Variants in NUP153 observed in about 807,000 individuals in gnomAD.
The protein encoded by NUP153 is nucleoporin 153.
NUP153 carries 27 observed loss-of-function variants against 134.6 expected under a neutral mutation model. The observed-to-expected ratio is 0.20, with a 90% CI of 0.15 to 0.28. The LOEUF (loss-of-function observed/expected upper bound fraction) is 0.28. NUP153 is among the 10% of genes least tolerant of loss of function. The pLI, the probability that NUP153 is intolerant of heterozygous loss-of-function variation, is 1.00. For missense variants in NUP153, 1,821 were observed against 1,731.3 expected (o/e 1.05, Z -0.92); for synonymous variants, 640 against 623.5 (o/e 1.03, Z -0.40).
intron 1 of NUP153, among the ~76,000 whole-genome samples, chr6:17,691,149 A>AG (rs779534014): frequency 3.3e-5 from 5 of 152,060 alleles, no homozygotes; most frequent in Non-Finnish European, 7.4e-5. Context: ...CTCCGTCTCA[A>AG]GAAAAAAAAA....
At chr6:17,701,263 C>T (rs1349799008) in intron 1 of NUP153, among the ~76,000 whole-genome samples, 1 of 150,608 alleles carries the variant, frequency 6.6e-6, no homozygotes, top group African/African-American at 2.4e-5. Flanking sequence ...GGTGCAGTGG[C>T]TCACGCTTAT....
At chr6:17,686,887 C>A (rs1327668784) in intron 2 of NUP153, among the ~76,000 whole-genome samples, 1 of 2,562 alleles carries the variant, frequency 3.9e-4, no homozygotes, top group African/African-American at 1.7e-3. Flanking sequence ...CAGCCGGGGG[C>A]GGGCGGCGGG....
chr6:17,641,528 C>T (rs918346474), intron 14 of NUP153, among the ~76,000 whole-genome samples: 11 of 150,720 alleles, frequency 7.3e-5, no homozygotes, highest in African/African-American at 2.7e-4. Context: ...AGCGAGACTC[C>T]GTCTCAAAAA....
chr6:17,662,177 C>A, intron 9 of NUP153, 107 bp from the exon 10 acceptor site: 3 of 1,007,474 alleles, frequency 3.0e-6, no homozygotes, highest in Non-Finnish European at 4.5e-6. Context: ...AATTTGATGG[C>A]TTTTTAGTTA....
chr6:17,633,148 GA>G (rs57742703), intron 16 of NUP153, among the ~76,000 whole-genome samples: 40 of 152,036 alleles, frequency 2.6e-4, no homozygotes, highest in African/African-American at 9.2e-4. Context: ...TGTGGTTTAA[GA>G]AAAAAAATCA....
intron 11 of NUP153, among the ~76,000 whole-genome samples, chr6:17,651,590 T>A (rs1170377877): frequency 6.6e-6 from 1 of 152,158 alleles, no homozygotes; most frequent in Non-Finnish European, 1.5e-5. Context: ...AGTATATGAA[T>A]GGAAAAAGAT....
At position 17,701,847 on chromosome 6, in the gene NUP153, A is replaced by AGGGGGGGGGGG. The variant is rs1554148736; in HGVS notation, c.111+4429_111+4430insCCCCCCCCCCC. Among the ~76,000 whole-genome samples, 2 of 78,042 alleles carry AGGGGGGGGGGG rather than the reference A, an allele frequency of 2.6e-5. 1 individual carries two copies. Among genetic ancestry groups the AGGGGGGGGGGG allele is most frequent in the Non-Finnish European group, 5.9e-5 (2 of 33,822 alleles). 51.2% of individuals were successfully genotyped at this position (78,042 alleles called of 152,430 possible). A position where few individuals can be genotyped will look rare whatever the true frequency, so the allele number is the denominator to read the frequency against. ...GACTCTGTCTCGGGGGGGGGGGGAA[A>AGGGGGGGGGGG]AAAGCTAAATGCAGGAACTGACTTG... On this transcript the variant is annotated intron_variant, in intron 1 of 21. Transcript: ENST00000262077.
chr6:17,663,378 C>T (rs150124998), intron 9 of NUP153, among the ~76,000 whole-genome samples: 5 of 151,924 alleles, frequency 3.3e-5, no homozygotes, highest in Admixed American at 2.0e-4. Context: ...ATCCTCCTAC[C>T]GCAACCTCCT....
At chr6:17,620,731 C>A (rs936326960) in intron 20 of NUP153, among the ~76,000 whole-genome samples, 1 of 152,114 alleles carries the variant, frequency 6.6e-6, no homozygotes, top group African/African-American at 2.4e-5. Context: ...GTTAATGTAT[C>A]TTGTGTTTGG....
rs1422120401 is a variant in NUP153 at position 17,640,518 on chromosome 6, T to C, written c.1721-454A>G. ...TATAATTGAAAATATCCTTCAGTTATAATATTGAAAACCTATATGGTAAAA... is the reference window on the plus strand; with the variant it reads ...TATAATTGAAAATATCCTTCAGTTACAATATTGAAAACCTATATGGTAAAA... On this transcript the variant is annotated intron_variant, in intron 14 of 21. Transcript: ENST00000262077. Among the ~76,000 whole-genome samples, 10 of 152,260 alleles carry C rather than the reference T, an allele frequency of 6.6e-5. No individual in the cohort carries two copies. The South Asian group carries it at 1.2e-3, about 19-fold the overall frequency.
Position 17,632,752 on chromosome 6 carries a change from C to T in NUP153, c.2557G>A (p.Gly853Arg), listed in dbSNP as rs1297627665. 3.1e-6 allele frequency: 5 copies of T among 1,613,124 alleles called. No individual in the cohort carries two copies. In the East Asian group the frequency reaches 6.7e-5, roughly 22 times the overall value. ...AGGCACAATTCACAGTCCCAGCTTC[C>T]CTCGGGTTTCTTGAACTTTTCCAAT... The part of the protein sequence containing the change: ...LGLEKFKKPE[G>R]SWDCELCLVQ... Residue 853 changes from glycine (G) to arginine (R), a missense_variant, in exon 17 of 22, where the codon GGA (glycine) becomes AGA (arginine). By Grantham distance (125) the Gly-to-Arg change is moderately radical (BLOSUM62 -2). Coordinates refer to ENST00000262077, the MANE Select transcript of NUP153 (RefSeq NM_005124.4).
rs1764927050 is a variant in NUP153 at position 17,625,973 on chromosome 6, A to G, written c.3736T>C (p.Ser1246Pro). ...AATAGCAAAGACTGAGAGGTGCTGG[A>G]TTCAGCAGTGTTACCAAAGGCAGAG... ...SSSAFGNTAE[S>P]STSQSLLFSQ... The change falls in exon 19 of 22, where the codon TCC becomes CCC. Residue 1246 changes from serine to proline, a missense_variant. Ser to Pro is a moderately conservative substitution (Grantham distance 74, BLOSUM62 -1). Transcript: ENST00000262077. This position sits in a 1 kb window ranked among gnomAD's most constrained non-coding sequence, Gnocchi z 4.7. 3 of 1,614,206 alleles carry G rather than the reference A, an allele frequency of 1.9e-6. No homozygotes were observed. Among genetic ancestry groups the G allele is most frequent in the African/African-American group, 1.3e-5 (1 of 75,044 alleles).
chr6:17,656,635 C>T (rs1170299067), intron 11 of NUP153, among the ~76,000 whole-genome samples: 4 of 152,050 alleles, frequency 2.6e-5, no homozygotes, highest in African/African-American at 7.3e-5. Flanking sequence ...ACTTAGGGGG[C>T]ACCAGGTTTT....
At chr6:17,696,717 T>A (rs1293513806) in intron 1 of NUP153, among the ~76,000 whole-genome samples, 1 of 151,866 alleles carries the variant, frequency 6.6e-6, no homozygotes, top group Non-Finnish European at 1.5e-5. Flanking sequence ...ATGGCGCCAC[T>A]GCACTCCAAC....
intron 11 of NUP153, among the ~76,000 whole-genome samples, chr6:17,655,744 C>T (rs1766775037): frequency 6.6e-6 from 1 of 152,088 alleles, no homozygotes; most frequent in Non-Finnish European, 1.5e-5. Context: ...TGTGAGCCAC[C>T]GTGACCAGCC....
intron 2 of NUP153, among the ~76,000 whole-genome samples, chr6:17,684,273 A>T (rs1160082609): frequency 6.6e-6 from 1 of 152,180 alleles, no homozygotes; most frequent in Non-Finnish European, 1.5e-5. Context: ...CTCTTAGCTA[A>T]ATCTTCTGGA....
Position 17,616,301 on chromosome 6 carries a change from C to G in NUP153, c.4344-120G>C, listed in dbSNP as rs548699314. 1.3e-5 allele frequency: 8 copies of G among 623,336 alleles called. No individual in the cohort carries two copies. In the South Asian group the frequency reaches 1.3e-4, roughly 10 times the overall value. 38.6% of individuals were successfully genotyped at this position (623,336 alleles called of 1,614,324 possible). ...GTCGGGTGGGGGGGGAGTAGACTCA[C>G]ATTGGTATATACATTTTCTGCTACA... On this transcript the variant is annotated intron_variant, in intron 21 of 21. Coordinates refer to ENST00000262077, the MANE Select transcript of NUP153 (RefSeq NM_005124.4).
At chr6:17,671,149 G>A (rs142554775) in intron 5 of NUP153, among the ~76,000 whole-genome samples, 6 of 152,152 alleles carry the variant, frequency 3.9e-5, no homozygotes, top group South Asian at 2.1e-4. Flanking sequence ...GCCTTCCCAG[G>A]ATAAACCCCA....
chr6:17,659,798 T>C (rs979519435), intron 11 of NUP153, among the ~76,000 whole-genome samples: 7 of 152,174 alleles, frequency 4.6e-5, no homozygotes, highest in Admixed American at 6.6e-5. Context: ...ATATAATTAA[T>C]AAAGAGCTTT....
Sources: allele counts gnomAD v4.1 joint callset (sites outside exome capture counted in the v4.1 genomes callset), GRCh38; gene constraint gnomAD v4.1.1; non-coding constraint Gnocchi (gnomAD v3.1); transcripts MANE v1.5; gene names NCBI Gene and HGNC (gene_info 2026-07-23, HGNC 2026-07-21).